The following LGALS8 variants were observed in gnomAD, a reference collection of about 807,000 sequenced individuals.
LGALS8 encodes the protein galectin 8, also known as galectin-8.
Under a neutral mutation model 35.9 loss-of-function variants are expected in LGALS8, and 30 were observed. The ratio of observed to expected loss-of-function variants is 0.83; its 90% CI spans 0.62 to 1.13. The LOEUF (loss-of-function observed/expected upper bound fraction) is 1.13, where lower values mean the gene tolerates loss of function less well. Ranked by LOEUF, LGALS8 falls within the 50% of genes most tolerant of loss-of-function variation. The pLI is 0.00. For missense variants in LGALS8, 366 were observed against 388.7 expected, an observed-to-expected ratio of 0.94 and a Z score of 0.49; for synonymous variants, 138 against 136.1, an observed-to-expected ratio of 1.01 and a Z score of -0.10.
At chr1:236,543,711 C>T (rs896373414) in intron 8 of LGALS8, 63 bp downstream of exon 8, 32 of 1,123,060 alleles carry the variant, frequency 2.8e-5, no homozygotes, top group African/African-American at 1.4e-4. Flanking sequence ...GCCTTCCACC[C>T]GTGAACGGTC....
At position 236,548,341 on chromosome 1, in the gene LGALS8, A is replaced by G. The variant is rs991233542; in HGVS notation, c.*180A>G. The G allele has an allele frequency of 2.8e-5, 17 of 607,044 alleles. No homozygotes were observed. The African/African-American group carries it at 3.0e-4, about 11-fold the overall frequency. The allele number at this position is 607,044 out of a possible 1,614,324, so 37.6% of individuals were successfully genotyped here. A position where few individuals can be genotyped will look rare whatever the true frequency, so the allele number is the denominator to read the frequency against. On this transcript the variant is annotated 3_prime_UTR_variant, in exon 10 of 10. Coordinates refer to ENST00000366584, the MANE Select transcript of LGALS8 (RefSeq NM_201544.4). ...GAAGTATGGTGGTGTCTAGCACTGA[A>G]TGGGGAAACTGGGGGCAGCAACACT...
intron 2 of LGALS8, among the ~76,000 whole-genome samples, chr1:236,531,795 C>T (rs149093794): frequency 6.6e-4 from 100 of 152,274 alleles, no homozygotes; most frequent in African/African-American, 2.3e-3. Context: ...GTTGAGGTCC[C>T]CAAGGTCACA....
chr1:236,548,125 T>C lies in LGALS8; in HGVS notation c.918T>C (p.Asn306=), dbSNP rs1218100407. The C allele has an allele frequency of 4.3e-6, 7 of 1,613,926 alleles. No individual in the cohort carries two copies. The African/African-American group carries it at 9.3e-5, about 22-fold the overall frequency. The change falls in exon 10 of 10, where the codon AAT becomes AAC. Residue 306 remains asparagine (N), a synonymous_variant. Transcript: ENST00000366584. ...GCAGTATTGACACGCTGGAAATTAA[T>C]GGAGACATCCACTTACTGGAAGTAA... ...ELSSIDTLEI[N]GDIHLLEVRS... is the part of the protein sequence containing the mutation.
rs148977971 is a variant in LGALS8 at position 236,542,041 on chromosome 1, C to G, written c.522+331C>G. Among the ~76,000 whole-genome samples, 364 of 152,300 alleles carry G rather than the reference C, an allele frequency of 2.4e-3. 1 individual carries two copies. Among genetic ancestry groups the G allele is most frequent in the African/African-American group, 8.2e-3 (339 of 41,542 alleles). ...ATGAACTTCCATGTGTATCTTCAAC[C>G]CCTGGGAGAATAACTGCAATTTAAA... On this transcript the variant is annotated intron_variant, in intron 6 of 9. Transcript: ENST00000366584.
intron 2 of LGALS8, 82 bp from the exon 3 acceptor site, chr1:236,537,415 A>G (rs1056760808): frequency 7.2e-6 from 6 of 828,858 alleles, no homozygotes; most frequent in Non-Finnish European, 1.2e-5. Context: ...GTTTTTCTCT[A>G]TCAATAATGA....
upstream of LGALS8, among the ~76,000 whole-genome samples, chr1:236,522,454 A>T (rs952312485): frequency 1.3e-5 from 2 of 152,246 alleles, no homozygotes; most frequent in Non-Finnish European, 1.5e-5. Flanking sequence ...AAAAATTTTT[A>T]AATTAGCTGG....
At chr1:236,535,778 A>G (rs949690536) in intron 2 of LGALS8, among the ~76,000 whole-genome samples, 4 of 152,238 alleles carry the variant, frequency 2.6e-5, no homozygotes, top group African/African-American at 9.6e-5. Context: ...CAACAAATAG[A>G]TAATTGGCTT....
At chr1:236,523,639 A>ACTTGCTGCGGAAGACAAAG (rs1307531729), upstream of LGALS8, 1 of 167,550 alleles carries the variant, frequency 6.0e-6, no homozygotes, top group East Asian at 1.8e-4. Flanking sequence ...ACGTCGGCCC[A>ACTTGCTGCGGAAGACAAAG]CCTTTCTTTT....
intron 2 of LGALS8, among the ~76,000 whole-genome samples, chr1:236,527,875 G>A (rs972354891): frequency 6.6e-6 from 1 of 151,864 alleles, no homozygotes. Flanking sequence ...AGCTGGGACT[G>A]CAGGCACGTG....
chr1:236,529,633 TTTTTC>T, intron 2 of LGALS8, among the ~76,000 whole-genome samples: 1 of 120,972 alleles, frequency 8.3e-6, no homozygotes, highest in Admixed American at 8.7e-5. Context: ...TTTTTTTTTT[TTTTTC>T]TTTCTTCTCT....
rs1056409386 is a variant in LGALS8, at chr1:236,549,011, T to G, written c.*850T>G. 5.0e-6 allele frequency: 2 copies of G among 398,448 alleles called. No individual in the cohort carries two copies. Among genetic ancestry groups the G allele is most frequent in the African/African-American group, 4.1e-5 (2 of 48,606 alleles). The allele number at this position is 398,448 out of a possible 1,614,324, so 24.7% of individuals were successfully genotyped here. A position where few individuals can be genotyped will look rare whatever the true frequency, so the allele number is the denominator to read the frequency against. On this transcript the variant is annotated 3_prime_UTR_variant, in exon 10 of 10. Coordinates refer to ENST00000366584, the MANE Select transcript of LGALS8 (RefSeq NM_201544.4). ...CAGGAAGAGGCAAGATGCATTCAAT[T>G]TGAAAGATATTTATGGGCAACAAAG...
intron 2 of LGALS8, among the ~76,000 whole-genome samples, chr1:236,531,512 A>T (rs572936571): frequency 6.6e-6 from 1 of 152,066 alleles, no homozygotes; most frequent in East Asian, 1.9e-4. Flanking sequence ...TTTTTAGTAG[A>T]GACGGGGTTT....
chr1:236,546,935 G>GCC (rs1553278694), intron 9 of LGALS8, among the ~76,000 whole-genome samples: 4 of 151,932 alleles, frequency 2.6e-5, no homozygotes, highest in Non-Finnish European at 5.9e-5. Flanking sequence ...ATCTTGGCCA[G>GCC]CTGTTATCAG....
intron 2 of LGALS8, among the ~76,000 whole-genome samples, chr1:236,533,820 G>T (rs1213910335): frequency 6.6e-6 from 1 of 151,670 alleles, no homozygotes; most frequent in Non-Finnish European, 1.5e-5. Flanking sequence ...ACTGTAGGAC[G>T]GTTCCCATGA....
chr1:236,537,314 C>T (rs966949018), intron 2 of LGALS8, among the ~76,000 whole-genome samples, 183 bp from the exon 3 acceptor site: 1 of 152,112 alleles, frequency 6.6e-6, no homozygotes, highest in Non-Finnish European at 1.5e-5. Context: ...CGCGCCCGGC[C>T]GCAGTTCCTT....
intron 2 of LGALS8, among the ~76,000 whole-genome samples, chr1:236,531,214 G>A (rs1203323241): frequency 1.3e-5 from 2 of 152,190 alleles, no homozygotes; most frequent in Non-Finnish European, 2.9e-5. Flanking sequence ...ACATCCTTGT[G>A]TGTGCATCTT....
chr1:236,540,498 ATAAGT>A (rs1402828098), intron 4 of LGALS8, 61 bp from the exon 5 acceptor site: 18 of 1,453,080 alleles, frequency 1.2e-5, no homozygotes, highest in African/African-American at 1.5e-5. Context: ...AATTTGGATA[ATAAGT>A]TAATTTATTA....
Position 236,540,310 on chromosome 1 carries a change from A to G in LGALS8, c.346-254A>G, listed in dbSNP as rs201655744. 73 of 413,060 alleles carry G rather than the reference A, an allele frequency of 1.8e-4. No individual in the cohort carries two copies. The East Asian group carries it at 2.9e-3, about 16-fold the overall frequency. 25.6% of individuals were successfully genotyped at this position (413,060 alleles called of 1,614,324 possible). ...CAGAGGCGCACACAAGCACACGCACATATACTTATGACTGCCTGTTTGTCT... is the reference window on the plus strand; with the variant it reads ...CAGAGGCGCACACAAGCACACGCACGTATACTTATGACTGCCTGTTTGTCT... On this transcript the variant is annotated intron_variant, in intron 4 of 9. Transcript: ENST00000366584.
rs1340980961 is a variant in LGALS8, at chr1:236,551,132, G to C, written c.*2971G>C. On this transcript the variant is annotated 3_prime_UTR_variant, in exon 10 of 10. Transcript: ENST00000366584. ...GAAATGAAGCACATTAACAAAGCAG[G>C]AGGCGCCACGGACCGCCTCCCTCCA... The C allele has an allele frequency of 1.5e-6, 1 of 656,820 alleles. No homozygotes were observed. Among genetic ancestry groups the C allele is most frequent in the Non-Finnish European group, 2.5e-6 (1 of 400,410 alleles). The allele number at this position is 656,820 out of a possible 1,614,324, so 40.7% of individuals were successfully genotyped here.
Sources: gnomAD v4.1 joint callset for allele counts (sites outside exome capture counted in the v4.1 genomes callset) on GRCh38, gnomAD v4.1.1 for gene constraint, MANE v1.5 for transcripts, NCBI Gene and HGNC (gene_info 2026-07-23, HGNC 2026-07-21) for gene names.